Variants in ZNF787 observed in about 807,000 individuals in gnomAD.
ZNF787 encodes TTF-I-interacting peptide 20.
Under a neutral mutation model 16.9 loss-of-function variants are expected in ZNF787, and 7 were observed. The observed-to-expected ratio is 0.42, with a 90% CI of 0.24 to 0.78. The LOEUF (loss-of-function observed/expected upper bound fraction) is 0.78, where lower values mean the gene tolerates loss of function less well. Ranked by LOEUF, ZNF787 falls within the 30% of genes least tolerant of loss-of-function variation. ZNF787 has a pLI of 0.30. For missense variants in ZNF787, 551 were observed against 589.3 expected, an observed-to-expected ratio of 0.94 and a Z score of 0.67; for synonymous variants, 345 against 270.9, an observed-to-expected ratio of 1.27 and a Z score of -2.69.
chr19:56,111,458 C>A (rs1424070019), intron 1 of ZNF787, among the ~76,000 whole-genome samples: 1 of 152,156 alleles, frequency 6.6e-6, no homozygotes, highest in Admixed American at 6.5e-5. Flanking sequence ...CTGCACCCAC[C>A]CGTGGGTGAA....
chr19:56,089,067 G>A lies in ZNF787; in HGVS notation c.105C>T (p.Asp35=). 1.4e-6 allele frequency: 2 copies of A among 1,466,940 alleles called. No individual in the cohort carries two copies. Among genetic ancestry groups the A allele is most frequent in the African/African-American group, 1.5e-5 (1 of 68,938 alleles). 90.9% of individuals were successfully genotyped at this position (1,466,940 alleles called of 1,614,324 possible). A position where few individuals can be genotyped will look rare whatever the true frequency, so the allele number is the denominator to read the frequency against. The change falls in exon 3 of 3, where the codon GAC becomes GAT. Residue 35 remains aspartate (D), a synonymous_variant. Coordinates refer to ENST00000610935, the MANE Select transcript of ZNF787 (RefSeq NM_001002836.4). ...NPVDILIMDD[D]DVPSWPPTKL... ...TGGTGGGAGGCCAGCTGGGGACGTC[G>A]TCATCATCCATGATGAGGATGTCCA...
intron 1 of ZNF787, among the ~76,000 whole-genome samples, chr19:56,107,704 G>C (rs1272929113): frequency 6.6e-6 from 1 of 151,862 alleles, no homozygotes; most frequent in African/African-American, 2.4e-5. Flanking sequence ...GGGAGAAAGT[G>C]ACGGGCAGCT....
rs748968179 is a variant in ZNF787, at chr19:56,087,996, GCCCGCCCCCCCC to G, written c.*15_*26del. On this transcript the variant is annotated 3_prime_UTR_variant, in exon 3 of 3. Coordinates refer to ENST00000610935, the MANE Select transcript of ZNF787 (RefSeq NM_001002836.4). ...GCTCCCGCCAAGCCCGAGGGGCCCT[GCCCGCCCCCCCC>G]CCCGGGCCCCTCCCCTACCGGCCCT... The G allele has an allele frequency of 1.5e-5, 17 of 1,157,732 alleles. No homozygotes were observed. Among genetic ancestry groups the G allele is most frequent in the Middle Eastern group, 3.4e-4 (1 of 2,970 alleles). 71.7% of individuals were successfully genotyped at this position (1,157,732 alleles called of 1,614,324 possible). A position where few individuals can be genotyped will look rare whatever the true frequency, so the allele number is the denominator to read the frequency against.
At chr19:56,097,537 C>T (rs538706572) in intron 2 of ZNF787, among the ~76,000 whole-genome samples, 8 of 152,234 alleles carry the variant, frequency 5.3e-5, no homozygotes, top group Non-Finnish European at 1.5e-5. Context: ...GCGTGGACGG[C>T]GGCCAGCATG....
intron 2 of ZNF787, among the ~76,000 whole-genome samples, chr19:56,091,989 C>T (rs960792641): frequency 1.3e-5 from 2 of 151,166 alleles, no homozygotes; most frequent in African/African-American, 2.4e-5. Flanking sequence ...AAGGCGAAAC[C>T]GAAGCCAAAC....
intron 1 of ZNF787, among the ~76,000 whole-genome samples, chr19:56,120,341 G>T (rs1300293980): frequency 6.6e-6 from 1 of 152,182 alleles, no homozygotes; most frequent in African/African-American, 2.4e-5. Context: ...TCGGGGTGGG[G>T]TGTCAGGAGG....
Position 56,088,725 on chromosome 19 carries a change from G to A in ZNF787, c.447C>T (p.Pro149=). The stretch of plus-strand genomic sequence containing the variant: ...TGCGGCCGCAGTCGGGGCAGGTGTA[G>A]GGCTTCTCGCCCGTGTGGATGCGCT... The part of the protein sequence containing the change: ...QHQRIHTGEK[P]YTCPDCGRSF... Residue 149 remains proline, a synonymous_variant, in exon 3 of 3, where the codon CCC becomes CCT. Coordinates refer to ENST00000610935, the MANE Select transcript of ZNF787 (RefSeq NM_001002836.4). The surrounding 1 kb of genome is among the most constrained non-coding windows in gnomAD (Gnocchi z 8.6). The A allele has an allele frequency of 6.2e-7, 1 of 1,609,356 alleles. No individual in the cohort carries two copies. Among genetic ancestry groups the A allele is most frequent in the South Asian group, 1.1e-5 (1 of 90,842 alleles).
In ZNF787 at chr19:56,087,762, T is replaced by G. The variant is rs1011925024; in HGVS notation, c.*261A>C. 5 of 414,698 alleles carry G rather than the reference T, an allele frequency of 1.2e-5. No homozygotes were observed. Among genetic ancestry groups the G allele is most frequent in the African/African-American group, 1.1e-4 (5 of 47,212 alleles). The allele number at this position is 414,698 out of a possible 1,614,324, so 25.7% of individuals were successfully genotyped here. A position where few individuals can be genotyped will look rare whatever the true frequency, so the allele number is the denominator to read the frequency against. ...TCGGCCTCTGCAGTTCTCTCCATTG[T>G]CTCTCCGGCTCGCAGGCCGATAACT... is the stretch of plus-strand genomic sequence containing the variant. On this transcript the variant is annotated 3_prime_UTR_variant, in exon 3 of 3. Coordinates refer to ENST00000610935, the MANE Select transcript of ZNF787 (RefSeq NM_001002836.4).
intron 2 of ZNF787, chr19:56,102,871 C>A (rs892153509): frequency 2.8e-6 from 2 of 702,636 alleles, no homozygotes; most frequent in East Asian, 2.7e-5. Flanking sequence ...GCTGGAGGGG[C>A]AAGGACAGAG....
At chr19:56,094,483 T>C (rs1425248050) in intron 2 of ZNF787, among the ~76,000 whole-genome samples, 1 of 151,982 alleles carries the variant, frequency 6.6e-6, no homozygotes, top group African/African-American at 2.4e-5. Context: ...CTTTTTTTTT[T>C]TTCTCATTTT....
intron 2 of ZNF787, among the ~76,000 whole-genome samples, chr19:56,092,044 A>ACCCTC (rs1568523618): frequency 5.4e-5 from 7 of 128,834 alleles, no homozygotes; most frequent in Non-Finnish European, 6.8e-5. Flanking sequence ...GCCGAAGCCG[A>ACCCTC]AGCCTCACCC....
Position 56,118,208 on chromosome 19 carries a change from G to A in ZNF787, c.-11+2964C>T, listed in dbSNP as rs942577412. Among the ~76,000 whole-genome samples the A allele has an allele frequency of 5.3e-5, 8 of 152,208 alleles. No individual in the cohort carries two copies. The South Asian group carries it at 6.2e-4, about 12-fold the overall frequency. ...ACTCCACACCTGCCTTGCTCTCCCT[G>A]ATGCTGGGTGAGTGAGGCCTCCTTG... On this transcript the variant is annotated intron_variant, in intron 1 of 2. Coordinates refer to ENST00000610935, the MANE Select transcript of ZNF787 (RefSeq NM_001002836.4).
Position 56,087,856 on chromosome 19 carries a change from CCAGTGCCCCCCCACGGACGGCG to C in ZNF787, c.*145_*166del. 4.4e-6 allele frequency: 5 copies of C among 1,134,270 alleles called. No individual in the cohort carries two copies. The highest frequency in any genetic ancestry group is 4.5e-6 in the Non-Finnish European group (4 of 893,156). 70.3% of individuals were successfully genotyped at this position (1,134,270 alleles called of 1,614,324 possible). ...AGAAGTGAACGGGCCCTAATACGCCCCAGTGCCCCCCCACGGACGGCGCAGGGACAGAGGAGGGCGGGGAGCC... is the reference window on the plus strand; with the variant it reads ...AGAAGTGAACGGGCCCTAATACGCCCCAGGGACAGAGGAGGGCGGGGAGCC... On this transcript the variant is annotated 3_prime_UTR_variant, in exon 3 of 3. Coordinates refer to ENST00000610935, the MANE Select transcript of ZNF787 (RefSeq NM_001002836.4).
intron 1 of ZNF787, among the ~76,000 whole-genome samples, chr19:56,120,036 G>T (rs747920733): frequency 1.3e-5 from 2 of 152,184 alleles, no homozygotes; most frequent in Non-Finnish European, 2.9e-5. Context: ...GACTGGGCTG[G>T]GTCAAAATGC....
chr19:56,098,402 C>T (rs959991863), intron 2 of ZNF787, among the ~76,000 whole-genome samples: 3 of 152,256 alleles, frequency 2.0e-5, no homozygotes, highest in African/African-American at 4.8e-5. Flanking sequence ...GACAGGCAAC[C>T]CCATGCTGCA....
chr19:56,094,706 T>C (rs1235799198), intron 2 of ZNF787, among the ~76,000 whole-genome samples: 1 of 152,144 alleles, frequency 6.6e-6, no homozygotes, highest in Non-Finnish European at 1.5e-5. Flanking sequence ...CCAACCTTTT[T>C]GGCACTAGGG....
intron 1 of ZNF787, among the ~76,000 whole-genome samples, chr19:56,115,152 C>T (rs1179730348): frequency 6.6e-6 from 1 of 152,098 alleles, no homozygotes; most frequent in Non-Finnish European, 1.5e-5. Flanking sequence ...GAAAGCTCTA[C>T]ACACCCTTTC....
chr19:56,113,704 G>T (rs75748663), intron 1 of ZNF787, among the ~76,000 whole-genome samples: 6 of 21,646 alleles, frequency 2.8e-4, no homozygotes, highest in South Asian at 0.067. Context: ...GAGGCAGGGA[G>T]GCAGGGAGGG....
At position 56,087,927 on chromosome 19, in the gene ZNF787, A is replaced by AC. The variant is rs1478897149; in HGVS notation, c.*95dup. The AC allele has an allele frequency of 4.7e-6, 6 of 1,283,030 alleles. No homozygotes were observed. Among genetic ancestry groups the AC allele is most frequent in the Non-Finnish European group, 5.9e-6 (6 of 1,016,982 alleles). The allele number at this position is 1,283,030 out of a possible 1,614,324, so 79.5% of individuals were successfully genotyped here. A position where few individuals can be genotyped will look rare whatever the true frequency, so the allele number is the denominator to read the frequency against. ...CCGGGGATGCCGCGGGGTCCATCGC[A>AC]CCCCGTCCGCTTCTCCCTGGGTCTC... On this transcript the variant is annotated 3_prime_UTR_variant, in exon 3 of 3. Transcript: ENST00000610935.
Sources: allele counts gnomAD v4.1 joint callset (sites outside exome capture counted in the v4.1 genomes callset), GRCh38; gene constraint gnomAD v4.1.1; non-coding constraint Gnocchi (gnomAD v3.1); transcripts MANE v1.5; gene names NCBI Gene and HGNC (gene_info 2026-07-23, HGNC 2026-07-21).